REC114: variants seen among roughly 807,000 people sequenced by gnomAD.
The protein encoded by REC114 is meiotic recombination protein REC114.
In REC114, 27 loss-of-function variants were observed where a neutral mutation model predicts 31.3. That is an observed-to-expected ratio of 0.86 (90% CI 0.64 to 1.19). The LOEUF is 1.19. Ranked by LOEUF, REC114 falls within the 50% of genes most tolerant of loss-of-function variation. REC114 has a pLI of 0.00. For synonymous variants in REC114, 134 were observed against 127.7 expected, an observed-to-expected ratio of 1.05 and a Z score of -0.33; for missense variants, 344 against 326.9, an observed-to-expected ratio of 1.05 and a Z score of -0.40.
chr15:73,505,775 G>A lies in REC114; in HGVS notation c.249+31854G>A, dbSNP rs528521613. Among the ~76,000 whole-genome samples the A allele has an allele frequency of 3.3e-5, 5 of 152,050 alleles. No individual in the cohort carries two copies. In the East Asian group the frequency reaches 7.7e-4, roughly 24 times the overall value. On this transcript the variant is annotated intron_variant, in intron 2 of 5. Coordinates refer to ENST00000331090, the MANE Select transcript of REC114 (RefSeq NM_001042367.2). Reference sequence around the variant, plus strand: ...TCTCGATTTCCTGACCTCGTGATCCGCCTGCCTCGGCCTCCCAAAGTGCTG... The same window carrying A: ...TCTCGATTTCCTGACCTCGTGATCCACCTGCCTCGGCCTCCCAAAGTGCTG...
chr15:73,477,705 A>G (rs1439145355), intron 2 of REC114, among the ~76,000 whole-genome samples: 1 of 152,204 alleles, frequency 6.6e-6, no homozygotes, highest in Non-Finnish European at 1.5e-5. Context: ...GGCATGAGTC[A>G]CTGTGCCTGG....
At chr15:73,513,844 T>G (rs1433229545) in intron 2 of REC114, among the ~76,000 whole-genome samples, 1 of 151,802 alleles carries the variant, frequency 6.6e-6, no homozygotes, top group African/African-American at 2.4e-5. Context: ...ACTGCTCTCT[T>G]CAAAGCTGTC....
chr15:73,559,628 T>C (rs1894542478), intron 5 of REC114, 124 bp from the exon 6 acceptor site: 1 of 781,318 alleles, frequency 1.3e-6, no homozygotes, highest in Non-Finnish European at 1.9e-6. Flanking sequence ...GTAAAGCTAA[T>C]TAACACTAAT....
intron 1 of REC114, among the ~76,000 whole-genome samples, chr15:73,455,453 T>C (rs1892902835): frequency 6.6e-6 from 1 of 152,096 alleles, no homozygotes; most frequent in African/African-American, 2.4e-5. Flanking sequence ...TATAGCTGTT[T>C]AATTACAGAG....
Position 73,492,807 on chromosome 15 carries a change from ATTTTC to A in REC114, c.249+18891_249+18895del, listed in dbSNP as rs1425606551. Among the ~76,000 whole-genome samples, 8 of 151,956 alleles carry A rather than the reference ATTTTC, an allele frequency of 5.3e-5. No homozygotes were observed. In the South Asian group the frequency reaches 6.2e-4, roughly 12 times the overall value. On this transcript the variant is annotated intron_variant, in intron 2 of 5. Transcript: ENST00000331090. Reference sequence around the variant, plus strand: ...ACATTCTTGGCTATACATTCCTGATATTTTCTTTTTAGCCGTTTTGGTAGGTTTTC... The same window carrying A: ...ACATTCTTGGCTATACATTCCTGATATTTTTAGCCGTTTTGGTAGGTTTTC...
chr15:73,503,759 CT>C (rs1893634606), intron 2 of REC114, among the ~76,000 whole-genome samples: 1 of 151,880 alleles, frequency 6.6e-6, no homozygotes, highest in Non-Finnish European at 1.5e-5. Context: ...TGTTTTTGTC[CT>C]GTGCCCATCT....
Position 73,495,533 on chromosome 15 carries a change from C to CT in REC114, c.249+21621dup, listed in dbSNP as rs1162131685. The stretch of plus-strand genomic sequence containing the variant: ...TAAAAAAAAAAAAAAAGCAAGAGAA[C>CT]TTTTTTTTTGCTGTGACAAAATAAG... On this transcript the variant is annotated intron_variant, in intron 2 of 5. Transcript: ENST00000331090. Among the ~76,000 whole-genome samples, 12 of 146,510 alleles carry CT rather than the reference C, an allele frequency of 8.2e-5. No individual in the cohort carries two copies. In the South Asian group the frequency reaches 1.3e-3, roughly 16 times the overall value.
intron 1 of REC114, among the ~76,000 whole-genome samples, chr15:73,473,511 G>T (rs1034181794): frequency 2.0e-5 from 3 of 152,192 alleles, no homozygotes; most frequent in African/African-American, 7.2e-5. Flanking sequence ...CTGAGGCTCA[G>T]AGAGAATAAA....
intron 3 of REC114, 79 bp downstream of exon 3, chr15:73,540,647 G>A: frequency 1.7e-6 from 2 of 1,181,142 alleles, no homozygotes; most frequent in Middle Eastern, 1.9e-4. Context: ...GCATCTCTTG[G>A]TAGGTGACGG....
At chr15:73,558,759 T>C (rs1027056518) in intron 5 of REC114, among the ~76,000 whole-genome samples, 8 of 152,348 alleles carry the variant, frequency 5.3e-5, no homozygotes, top group Non-Finnish European at 1.0e-4. Flanking sequence ...GGCAGTTTCT[T>C]ACAAAGTTAA....
chr15:73,525,229 ATCT>A (rs1202516385), intron 2 of REC114, among the ~76,000 whole-genome samples: 3 of 152,178 alleles, frequency 2.0e-5, no homozygotes, highest in Non-Finnish European at 4.4e-5. Context: ...CTGTTGTGCC[ATCT>A]TCTCTTTTAT....
chr15:73,534,311 G>T (rs1383668485), intron 2 of REC114, among the ~76,000 whole-genome samples: 2 of 152,036 alleles, frequency 1.3e-5, no homozygotes, highest in Non-Finnish European at 2.9e-5. Flanking sequence ...AAAGAGAGAA[G>T]AATCAAATAG....
chr15:73,448,539 G>A (rs538896290), intron 1 of REC114, among the ~76,000 whole-genome samples: 8 of 152,306 alleles, frequency 5.3e-5, no homozygotes, highest in Admixed American at 4.6e-4. Flanking sequence ...CTGGGACAGA[G>A]CACCTGGAGG....
intron 2 of REC114, among the ~76,000 whole-genome samples, chr15:73,530,712 T>C (rs2141324508): frequency 6.6e-6 from 1 of 152,046 alleles, no homozygotes; most frequent in Middle Eastern, 3.4e-3. Context: ...CTTCACATCG[T>C]TGTCTTCATA....
chr15:73,507,016 G>A (rs954133373), intron 2 of REC114, among the ~76,000 whole-genome samples: 2 of 152,018 alleles, frequency 1.3e-5, no homozygotes, highest in African/African-American at 4.8e-5. Flanking sequence ...GATTGATAAA[G>A]CTTGCTACAT....
At chr15:73,557,555 C>CG (rs1894490192) in intron 5 of REC114, among the ~76,000 whole-genome samples, 1 of 151,878 alleles carries the variant, frequency 6.6e-6, no homozygotes, top group African/African-American at 2.4e-5. Flanking sequence ...TTAATAAACC[C>CG]CTAACTATGA....
At chr15:73,514,174 A>G (rs1893823324) in intron 2 of REC114, among the ~76,000 whole-genome samples, 2 of 151,410 alleles carry the variant, frequency 1.3e-5, no homozygotes, top group African/African-American at 4.9e-5. Flanking sequence ...CGGTCTGAAA[A>G]GCGCAATATT....
intron 2 of REC114, among the ~76,000 whole-genome samples, chr15:73,487,503 C>T (rs927642313): frequency 3.3e-5 from 5 of 152,218 alleles, no homozygotes; most frequent in African/African-American, 1.2e-4. Context: ...TAACAGGTTC[C>T]AAGTAAATCT....
chr15:73,445,379 A>G (rs1436485705), intron 1 of REC114, among the ~76,000 whole-genome samples: 2 of 152,246 alleles, frequency 1.3e-5, no homozygotes, highest in Non-Finnish European at 2.9e-5. Flanking sequence ...GCAGACCATT[A>G]CAACTTTTTC....
Sources: gnomAD v4.1 joint callset for allele counts (sites outside exome capture counted in the v4.1 genomes callset) on GRCh38, gnomAD v4.1.1 for gene constraint, MANE v1.5 for transcripts, NCBI Gene and HGNC (gene_info 2026-07-23, HGNC 2026-07-21) for gene names.